The following RASEF variants were observed in gnomAD, a reference collection of about 807,000 sequenced individuals.
RASEF encodes ras and EF-hand domain-containing protein.
A neutral mutation model predicts 90.1 loss-of-function variants in RASEF; 68 were observed. The ratio of observed to expected loss-of-function variants is 0.75; its 90% CI spans 0.62 to 0.92. RASEF has a LOEUF of 0.92. Among genes scored for constraint, RASEF ranks in the 40% least tolerant of loss-of-function variants. The pLI is 0.00. For missense variants in RASEF, 949 were observed against 937.2 expected (o/e 1.01, Z -0.16); for synonymous variants, 331 against 345.2 (o/e 0.96, Z 0.46).
At chr9:83,011,231 G>A (rs1237917032) in intron 5 of RASEF, among the ~76,000 whole-genome samples, 1 of 152,088 alleles carries the variant, frequency 6.6e-6, no homozygotes, top group Non-Finnish European at 1.5e-5. Context: ...ACATATGGGT[G>A]GCAAGTTTAA....
At chr9:83,103,469 C>A in the RASEF span, among the ~76,000 whole-genome samples, 1 of 151,854 alleles carries the variant, frequency 6.6e-6, no homozygotes, top group East Asian at 1.9e-4. Context: ...ATTATTCCAG[C>A]AAATGGACAA....
At chr9:83,102,242 A>G in the RASEF span, among the ~76,000 whole-genome samples, 1 of 152,012 alleles carries the variant, frequency 6.6e-6, no homozygotes, top group African/African-American at 2.4e-5. Context: ...ACGCCCAGCT[A>G]ATTTTTTGTA....
the RASEF span, among the ~76,000 whole-genome samples, chr9:83,167,998 GT>G: frequency 2.0e-5 from 3 of 152,238 alleles, no homozygotes; most frequent in Admixed American, 6.5e-5. Flanking sequence ...TGTGGCATAT[GT>G]TTTCAGTTCT....
At chr9:83,018,468 AATC>A (rs1829383727) in intron 3 of RASEF, among the ~76,000 whole-genome samples, 1 of 152,150 alleles carries the variant, frequency 6.6e-6, no homozygotes, top group African/African-American at 2.4e-5. Context: ...TAGAGAGAGA[AATC>A]ATATTTTCAA....
At chr9:83,197,112 C>G in the RASEF span, among the ~76,000 whole-genome samples, 29 of 152,238 alleles carry the variant, frequency 1.9e-4, no homozygotes, top group African/African-American at 6.8e-4. Context: ...AGGAGCAGAA[C>G]AGTCCTTGAT....
chr9:83,202,622 C>T, the RASEF span, among the ~76,000 whole-genome samples: 1 of 152,076 alleles, frequency 6.6e-6, no homozygotes, highest in African/African-American at 2.4e-5. Flanking sequence ...ATTACAGGTG[C>T]CCGCCACTAT....
chr9:83,022,261 AAG>A lies in RASEF; in HGVS notation c.669+73_669+74del, dbSNP rs1209284178. On this transcript the variant is annotated intron_variant, in intron 3 of 16. Coordinates refer to ENST00000376447, the MANE Select transcript of RASEF (RefSeq NM_152573.4). ...TGCTGTACCCCTGCATGACACCCAG[AAG>A]AGTGCCTGGGCCCTCTCCGTAGAAA... 5.6e-6 allele frequency: 6 copies of A among 1,072,488 alleles called. No homozygotes were observed. In the African/African-American group the frequency reaches 9.3e-5, roughly 17 times the overall value. The allele number at this position is 1,072,488 out of a possible 1,614,324, so 66.4% of individuals were successfully genotyped here.
upstream of RASEF, among the ~76,000 whole-genome samples, chr9:83,066,871 G>A (rs972988622): frequency 3.3e-5 from 5 of 152,150 alleles, no homozygotes; most frequent in Non-Finnish European, 7.4e-5. Flanking sequence ...TGGGGTTTTG[G>A]TTTGGTTTGG....
At chr9:83,182,203 T>A in the RASEF span, among the ~76,000 whole-genome samples, 1 of 152,196 alleles carries the variant, frequency 6.6e-6, no homozygotes, top group African/African-American at 2.4e-5. Context: ...ATGCCCAGTG[T>A]CTCAAACACT....
At chr9:83,167,932 C>A in the RASEF span, among the ~76,000 whole-genome samples, 1 of 152,132 alleles carries the variant, frequency 6.6e-6, no homozygotes, top group Non-Finnish European at 1.5e-5. Flanking sequence ...TGAATCACTT[C>A]TACTTTTTGG....
the RASEF span, among the ~76,000 whole-genome samples, chr9:83,102,454 G>A: frequency 2.6e-5 from 4 of 152,196 alleles, no homozygotes; most frequent in African/African-American, 9.7e-5. Context: ...CCGTACACAT[G>A]TCTGCAAATG....
intron 15 of RASEF, among the ~76,000 whole-genome samples, chr9:82,992,369 T>G (rs1311791607): frequency 6.6e-6 from 1 of 152,202 alleles, no homozygotes; most frequent in Non-Finnish European, 1.5e-5. Flanking sequence ...ATGAGTTTAT[T>G]CCTATATACA....
the RASEF span, among the ~76,000 whole-genome samples, chr9:83,084,376 T>C: frequency 6.6e-6 from 1 of 152,192 alleles, no homozygotes; most frequent in East Asian, 1.9e-4. Flanking sequence ...TAGCTTCTTA[T>C]ATAATTATTT....
the RASEF span, among the ~76,000 whole-genome samples, chr9:83,158,848 C>T: frequency 1.3e-5 from 2 of 150,106 alleles, no homozygotes; most frequent in Non-Finnish European, 3.0e-5. Flanking sequence ...ACACACTCAC[C>T]TGGGGTAGGT....
At chr9:82,982,952 CT>C (rs1184365539) in intron 16 of RASEF, among the ~76,000 whole-genome samples, 170 bp from the exon 17 acceptor site, 1 of 152,108 alleles carries the variant, frequency 6.6e-6, no homozygotes, top group African/African-American at 2.4e-5. Flanking sequence ...TTGACTTAAT[CT>C]TCATAAGAAC....
the RASEF span, among the ~76,000 whole-genome samples, chr9:83,137,278 T>C: frequency 6.6e-6 from 1 of 152,120 alleles, no homozygotes; most frequent in East Asian, 1.9e-4. Context: ...AAATACTCTT[T>C]GGGGATTGTT....
chr9:83,158,314 T>C, the RASEF span, among the ~76,000 whole-genome samples: 1 of 152,020 alleles, frequency 6.6e-6, no homozygotes, highest in Non-Finnish European at 1.5e-5. Flanking sequence ...TTTAAAAGGA[T>C]AATATTGAAG....
rs57845461 is a variant in RASEF at position 83,058,912 on chromosome 9, G to A, written c.431+3525C>T. Among the ~76,000 whole-genome samples, 1,141 of 152,156 alleles carry A rather than the reference G, an allele frequency of 7.5e-3. 22 individuals carry two copies. The highest frequency in any genetic ancestry group is 0.026 in the African/African-American group (1,073 of 41,516). ...TCGCAAACCATGTGAAACAGCTAACGGTGCTGATTTTGACGTCTCAACAAA... is the reference window on the plus strand; with the variant it reads ...TCGCAAACCATGTGAAACAGCTAACAGTGCTGATTTTGACGTCTCAACAAA... On this transcript the variant is annotated intron_variant, in intron 1 of 16. Transcript: ENST00000376447.
chr9:83,144,054 G>A, the RASEF span, among the ~76,000 whole-genome samples: 7 of 151,960 alleles, frequency 4.6e-5, no homozygotes, highest in Admixed American at 4.6e-4. Flanking sequence ...CTCAGGAACA[G>A]AAAAGCAAAT....
Sources: gnomAD v4.1 joint callset for allele counts (sites outside exome capture counted in the v4.1 genomes callset) on GRCh38, gnomAD v4.1.1 for gene constraint, MANE v1.5 for transcripts, NCBI Gene and HGNC (gene_info 2026-07-23, HGNC 2026-07-21) for gene names.